CADM2: variants seen among roughly 807,000 people sequenced by gnomAD.
CADM2 encodes the protein immunoglobulin superfamily member 4D.
In CADM2, 12 loss-of-function variants were observed where a neutral mutation model predicts 49.8. The observed-to-expected ratio is 0.24, with a 90% CI of 0.15 to 0.39. The LOEUF is 0.39. Among genes scored for constraint, CADM2 ranks in the 10% least tolerant of loss-of-function variants. The pLI is 1.00. For synonymous variants in CADM2, 214 were observed against 175.4 expected (o/e 1.22, Z -1.74); for missense variants, 378 against 492.3 (o/e 0.77, Z 2.20).
In CADM2 at chr3:85,664,884, T is replaced by C. The variant is rs536890735; in HGVS notation, c.62-61638T>C. On this transcript the variant is annotated intron_variant, in intron 1 of 9. Transcript: ENST00000383699. The stretch of plus-strand genomic sequence containing the variant: ...TGATATTTTTGTCCTCCTTTTCAGA[T>C]ATTTTTTCCCATTGCATTCATCACT... 5.9e-5 allele frequency among the ~76,000 whole-genome samples: 9 copies of C among 152,126 alleles called. 1 individual carries two copies. The highest frequency in any genetic ancestry group is 1.9e-4 in the African/African-American group (8 of 41,556).
intron 1 of CADM2, among the ~76,000 whole-genome samples, chr3:85,423,656 C>T (rs2036273348): frequency 6.6e-6 from 1 of 152,164 alleles, no homozygotes; most frequent in Non-Finnish European, 1.5e-5. Flanking sequence ...TAGCAACTTC[C>T]TTTTTGCAAC....
intron 1 of CADM2, among the ~76,000 whole-genome samples, chr3:85,577,349 G>T (rs2062661297): frequency 6.6e-6 from 1 of 152,134 alleles, no homozygotes; most frequent in Admixed American, 6.5e-5. Context: ...AATGAATGCT[G>T]TTATCATGAG....
intron 1 of CADM2, among the ~76,000 whole-genome samples, chr3:85,509,745 T>C (rs2040525915): frequency 6.6e-6 from 1 of 152,098 alleles, no homozygotes; most frequent in African/African-American, 2.4e-5. Flanking sequence ...TATAAATAGG[T>C]TTCTGGTTTT....
intron 7 of CADM2, among the ~76,000 whole-genome samples, chr3:85,960,971 A>G (rs144409462): frequency 0.018 from 2,615 of 147,314 alleles, 78 homozygotes; most frequent in African/African-American, 0.061. Context: ...TATATATTTA[A>G]TATTATTTAT....
chr3:86,062,462 G>A (rs530566740), intron 8 of CADM2, among the ~76,000 whole-genome samples: 19 of 151,374 alleles, frequency 1.3e-4, no homozygotes, highest in East Asian at 5.9e-4. Context: ...CCCTCACCCC[G>A]ACCCGCAACA....
At chr3:85,404,433 A>G (rs1320625149) in intron 1 of CADM2, among the ~76,000 whole-genome samples, 1 of 152,032 alleles carries the variant, frequency 6.6e-6, no homozygotes, top group Non-Finnish European at 1.5e-5. Flanking sequence ...GAGACTCCAG[A>G]AAAAAAAGTC....
Position 85,446,288 on chromosome 3 carries a change from T to C in CADM2, c.62-280234T>C, listed in dbSNP as rs756887572. On this transcript the variant is annotated intron_variant, in intron 1 of 9. Coordinates refer to ENST00000383699, the MANE Select transcript of CADM2 (RefSeq NM_001167675.2). ...AATCTGAGCCTGGGTATTAATTTAA[T>C]AAAAATTTACAGAAGAGTTATATAT... 1.3e-4 allele frequency among the ~76,000 whole-genome samples: 20 copies of C among 152,152 alleles called. 1 individual carries two copies. Among genetic ancestry groups the C allele is most frequent in the African/African-American group, 4.8e-4 (20 of 41,438 alleles).
chr3:85,107,295 AAAG>A (rs1441649293), intron 1 of CADM2, among the ~76,000 whole-genome samples: 1 of 152,194 alleles, frequency 6.6e-6, no homozygotes, highest in African/African-American at 2.4e-5. Flanking sequence ...TTGGTAATAA[AAAG>A]AAGAATGAGT....
intron 6 of CADM2, among the ~76,000 whole-genome samples, chr3:85,913,714 G>GA (rs1466164079): frequency 6.6e-6 from 1 of 151,946 alleles, no homozygotes; most frequent in African/African-American, 2.4e-5. Context: ...AGGTAGGGAT[G>GA]AAAAAAATAA....
intron 1 of CADM2, among the ~76,000 whole-genome samples, chr3:84,976,440 T>C (rs996599320): frequency 2.0e-5 from 3 of 151,724 alleles, no homozygotes; most frequent in African/African-American, 7.2e-5. Flanking sequence ...TAGTGAAAAA[T>C]CCATCATAAA....
intron 3 of CADM2, among the ~76,000 whole-genome samples, chr3:85,877,458 A>G (rs1388314341): frequency 1.3e-5 from 2 of 152,110 alleles, no homozygotes; most frequent in South Asian, 2.1e-4. Context: ...TATATTTGGG[A>G]CCTGCTACAT....
chr3:85,499,553 T>C (rs2040033123), intron 1 of CADM2, among the ~76,000 whole-genome samples: 1 of 151,374 alleles, frequency 6.6e-6, no homozygotes, highest in South Asian at 2.1e-4. Context: ...AATATTAATG[T>C]ATTATTAAAT....
intron 1 of CADM2, among the ~76,000 whole-genome samples, chr3:85,106,506 C>T (rs893922424): frequency 6.6e-6 from 1 of 152,104 alleles, no homozygotes; most frequent in African/African-American, 2.4e-5. Flanking sequence ...TCCTTATTCA[C>T]TTATACCATA....
At chr3:86,013,933 A>T in intron 8 of CADM2, 1 of 1,583,784 alleles carries the variant, frequency 6.3e-7, no homozygotes, top group South Asian at 1.1e-5. Flanking sequence ...TGTGCCTTAA[A>T]TATGTGGTTG....
intron 8 of CADM2, chr3:86,015,092 A>T: frequency 1.7e-6 from 1 of 602,436 alleles, no homozygotes; most frequent in Non-Finnish European, 3.0e-6. Context: ...AGCTTCCCAC[A>T]GATAATTCCA....
intron 8 of CADM2, among the ~76,000 whole-genome samples, chr3:85,987,858 TA>T (rs201237209): frequency 4.0e-5 from 6 of 151,104 alleles, no homozygotes; most frequent in East Asian, 1.9e-4. Context: ...TCTCTAAATT[TA>T]AAAAAAAATC....
intron 6 of CADM2, among the ~76,000 whole-genome samples, chr3:85,917,555 GT>G (rs1254310554): frequency 6.6e-6 from 1 of 152,166 alleles, no homozygotes; most frequent in African/African-American, 2.4e-5. Context: ...GTACCATGCT[GT>G]TTTGGTTACT....
intron 3 of CADM2, among the ~76,000 whole-genome samples, chr3:85,848,302 A>G (rs1351119977): frequency 6.6e-6 from 1 of 152,064 alleles, no homozygotes; most frequent in Admixed American, 6.6e-5. Context: ...CTCATCCCCA[A>G]TCTTAAAGGA....
chr3:85,767,104 T>A (rs981571787), intron 2 of CADM2, among the ~76,000 whole-genome samples: 2 of 152,188 alleles, frequency 1.3e-5, no homozygotes, highest in African/African-American at 4.8e-5. Context: ...ATGTCAAATA[T>A]TTTACTGCTA....
Sources: allele counts gnomAD v4.1 joint callset (sites outside exome capture counted in the v4.1 genomes callset), GRCh38; gene constraint gnomAD v4.1.1; transcripts MANE v1.5; gene names NCBI Gene and HGNC (gene_info 2026-07-23, HGNC 2026-07-21).